MAPT: variants seen among roughly 807,000 people sequenced by gnomAD.
MAPT encodes the protein microtubule associated protein tau, also known as microtubule-associated protein tau.
Under a neutral mutation model 67.9 loss-of-function variants are expected in MAPT, and 34 were observed. The observed-to-expected ratio is 0.50, with a 90% CI of 0.38 to 0.67. The LOEUF (loss-of-function observed/expected upper bound fraction) is 0.67. Ranked by LOEUF, MAPT falls within the 30% of genes least tolerant of loss-of-function variation. The pLI is 0.00. For missense variants in MAPT, 881 were observed against 1,115.2 expected (o/e 0.79, Z 2.99); for synonymous variants, 456 against 464.5 (o/e 0.98, Z 0.23).
intron 1 of MAPT, among the ~76,000 whole-genome samples, chr17:45,943,726 C>T (rs374652566): frequency 6.6e-6 from 1 of 152,158 alleles, no homozygotes; most frequent in South Asian, 2.1e-4. Flanking sequence ...GCAGAAAGTG[C>T]CAGGCCCTCT....
chr17:45,963,198 C>A (rs112264716), intron 2 of MAPT, among the ~76,000 whole-genome samples: 136 of 152,356 alleles, frequency 8.9e-4, no homozygotes, highest in African/African-American at 3.1e-3. Context: ...ACTGTAGCCA[C>A]ATTAATAAAC....
intron 8 of MAPT, among the ~76,000 whole-genome samples, chr17:45,992,904 A>C (rs1465325596): frequency 2.0e-5 from 3 of 151,970 alleles, no homozygotes; most frequent in Non-Finnish European, 2.9e-5. Flanking sequence ...AAAAAAAAAA[A>C]AAAAAACAGT....
chr17:46,008,328 G>A (rs1006303034), intron 9 of MAPT, among the ~76,000 whole-genome samples: 1 of 152,164 alleles, frequency 6.6e-6, no homozygotes, highest in Non-Finnish European at 1.5e-5. Context: ...GACGTCAGGT[G>A]ATCCACCAGC....
chr17:45,900,384 C>A (rs549918133), intron 1 of MAPT, among the ~76,000 whole-genome samples: 1 of 152,326 alleles, frequency 6.6e-6, no homozygotes, highest in East Asian at 1.9e-4. Context: ...GAATTTGAGA[C>A]AGGTTTTGAG....
chr17:46,021,391 C>A (rs192272410), intron 12 of MAPT, among the ~76,000 whole-genome samples: 12 of 152,346 alleles, frequency 7.9e-5, no homozygotes, highest in Non-Finnish European at 1.8e-4. Flanking sequence ...TAACCCCAGG[C>A]CTCCCCTGGT....
At chr17:45,904,658 C>T (rs184219861) in intron 1 of MAPT, among the ~76,000 whole-genome samples, 1 of 150,334 alleles carries the variant, frequency 6.7e-6, no homozygotes, top group East Asian at 2.0e-4. Context: ...TCCCATAGCA[C>T]TCCAGCCTGG....
chr17:45,896,304 A>C lies in MAPT; in HGVS notation c.-18+1618A>C, dbSNP rs1443138948. On this transcript the variant is annotated intron_variant, in intron 1 of 12. Coordinates refer to ENST00000262410, the MANE Select transcript of MAPT (RefSeq NM_001377265.1). The surrounding 1 kb of genome is among the most constrained non-coding windows in gnomAD (Gnocchi z 5.6). Reference sequence around the variant, plus strand: ...GGGATCTCGCCCCTCCCTACACCCCAAGTGTCCTGAGGGCCACGCCACACC... The same window carrying C: ...GGGATCTCGCCCCTCCCTACACCCCCAGTGTCCTGAGGGCCACGCCACACC... 6.6e-6 allele frequency: 1 copy of C among 152,030 alleles called. No homozygotes were observed. Among genetic ancestry groups the C allele is most frequent in the Non-Finnish European group, 1.5e-5 (1 of 68,022 alleles). 9.4% of individuals were successfully genotyped at this position (152,030 alleles called of 1,614,324 possible). A position where few individuals can be genotyped will look rare whatever the true frequency, so the allele number is the denominator to read the frequency against.
At chr17:45,946,615 A>AAAAAAAAAAAAAATATATATATATATAT in intron 1 of MAPT, among the ~76,000 whole-genome samples, 4 of 100,408 alleles carry the variant, frequency 4.0e-5, no homozygotes, top group Non-Finnish European at 7.8e-5. Flanking sequence ...AAAAAAAAAA[A>AAAAAAAAAAAAAATATATATATATATAT]ATATATATAT....
chr17:45,909,457 G>A (rs940229957), intron 1 of MAPT, among the ~76,000 whole-genome samples: 2 of 152,192 alleles, frequency 1.3e-5, no homozygotes, highest in East Asian at 3.9e-4. Context: ...GAAGTCAGCT[G>A]GGCGTGATGG....
intron 1 of MAPT, among the ~76,000 whole-genome samples, chr17:45,959,560 A>C (rs1209588173): frequency 6.6e-6 from 1 of 151,928 alleles, no homozygotes; most frequent in Non-Finnish European, 1.5e-5. Flanking sequence ...GTAATCCCTA[A>C]ACTTTGGGAG....
chr17:45,944,235 C>T (rs2068251819), intron 1 of MAPT, among the ~76,000 whole-genome samples: 1 of 152,198 alleles, frequency 6.6e-6, no homozygotes, highest in Admixed American at 6.5e-5. Context: ...GTGACTGGCC[C>T]AGCCTCAACA....
At chr17:45,933,530 G>A (rs995676070) in intron 1 of MAPT, among the ~76,000 whole-genome samples, 2 of 152,146 alleles carry the variant, frequency 1.3e-5, no homozygotes, top group Non-Finnish European at 2.9e-5. Context: ...GTGAGCCACC[G>A]TGCCTAGCCC....
chr17:45,936,326 C>T (rs1293642302), intron 1 of MAPT, among the ~76,000 whole-genome samples: 1 of 152,226 alleles, frequency 6.6e-6, no homozygotes, highest in Non-Finnish European at 1.5e-5. Flanking sequence ...ATGGGTCGCT[C>T]CATCCTGTTT....
chr17:45,999,299 A>G (rs62063857), intron 9 of MAPT: 304,904 of 1,613,188 alleles, frequency 0.19, 32,786 homozygotes, highest in Non-Finnish European at 0.22. Context: ...GGTGGAGGCC[A>G]AGTCTCATGC....
At chr17:45,902,634 G>T (rs529422548) in intron 1 of MAPT, among the ~76,000 whole-genome samples, 6 of 152,290 alleles carry the variant, frequency 3.9e-5, no homozygotes, top group Middle Eastern at 6.8e-3. Context: ...CTGTCTGTCT[G>T]CCAGGACTAG....
chr17:45,978,569 T>G (rs1598250526), intron 4 of MAPT, 129 bp downstream of exon 4: 2 of 732,492 alleles, frequency 2.7e-6, no homozygotes, highest in East Asian at 5.3e-5. Flanking sequence ...AGGGAGTTGG[T>G]TCTTATCAAA....
At chr17:46,005,598 T>A (rs932716336) in intron 9 of MAPT, among the ~76,000 whole-genome samples, 4 of 152,198 alleles carry the variant, frequency 2.6e-5, no homozygotes, top group South Asian at 2.1e-4. Context: ...TATTTTTTTT[T>A]ATTTAAAAAA....
intron 1 of MAPT, among the ~76,000 whole-genome samples, chr17:45,942,314 T>C (rs62062770): frequency 0.14 from 21,844 of 152,314 alleles, 2,143 homozygotes; most frequent in Non-Finnish European, 0.22. Context: ...ACGTTTCTTC[T>C]TCCTTACAAA....
chr17:45,980,790 G>A (rs773469637), intron 4 of MAPT, among the ~76,000 whole-genome samples: 1 of 152,212 alleles, frequency 6.6e-6, no homozygotes, highest in Non-Finnish European at 1.5e-5. Flanking sequence ...GACCTGTCCT[G>A]TTGGGGCAGC....
Sources: gnomAD v4.1 joint callset for allele counts (sites outside exome capture counted in the v4.1 genomes callset) on GRCh38, gnomAD v4.1.1 for gene constraint, Gnocchi (gnomAD v3.1) non-coding constraint, MANE v1.5 for transcripts, NCBI Gene and HGNC (gene_info 2026-07-23, HGNC 2026-07-21) for gene names.